Variants in INPP4B observed in about 807,000 individuals in gnomAD.
The protein encoded by INPP4B is inositol polyphosphate-4-phosphatase type II B, also known as inositol polyphosphate 4-phosphatase type II.
Under a neutral mutation model 122.5 loss-of-function variants are expected in INPP4B, and 55 were observed. The ratio of observed to expected loss-of-function variants is 0.45; its 90% CI spans 0.36 to 0.56. INPP4B has a LOEUF of 0.56. INPP4B is among the 20% of genes least tolerant of loss of function. The pLI, the probability that INPP4B is intolerant of heterozygous loss-of-function variation, is 0.00. For missense variants in INPP4B, 1,000 were observed against 1,097.7 expected (o/e 0.91, Z 1.26); for synonymous variants, 403 against 388.7 (o/e 1.04, Z -0.43).
chr4:142,395,632 A>C (rs1799126012), intron 7 of INPP4B, among the ~76,000 whole-genome samples: 1 of 152,200 alleles, frequency 6.6e-6, no homozygotes, highest in African/African-American at 2.4e-5. Context: ...CACTATTCAC[A>C]ATGGCCAAGA....
At chr4:142,738,375 C>T (rs146196367) in intron 1 of INPP4B, among the ~76,000 whole-genome samples, 11,545 of 152,020 alleles carry the variant, frequency 0.076, 572 homozygotes, top group South Asian at 0.16. Flanking sequence ...AACCAAACAC[C>T]GCATGTTGTC....
At chr4:142,767,658 T>C (rs962318047) in intron 1 of INPP4B, 12 of 152,164 alleles carry the variant, frequency 7.9e-5, no homozygotes, top group African/African-American at 2.9e-4. Flanking sequence ...CTTGGGAGAA[T>C]TCTCTGGAAG....
At chr4:142,438,639 T>A (rs572572484) in intron 3 of INPP4B, among the ~76,000 whole-genome samples, 1 of 152,236 alleles carries the variant, frequency 6.6e-6, no homozygotes, top group East Asian at 1.9e-4. Flanking sequence ...GACATAGGCA[T>A]GGGCAAAGAT....
In INPP4B at chr4:142,633,985, C is replaced by G. The variant is rs148266084; in HGVS notation, c.-191+91854G>C. On this transcript the variant is annotated intron_variant, in intron 2 of 25. Transcript: ENST00000262992. ...AGGCTCTGGTGAGCAGTGATCACAC[C>G]GCTGCACTCCAGCCTGACCAACAGA... Among the ~76,000 whole-genome samples, 771 of 151,454 alleles carry G rather than the reference C, an allele frequency of 5.1e-3. 6 individuals carry two copies. Among genetic ancestry groups the G allele is most frequent in the African/African-American group, 0.017 (697 of 41,268 alleles).
chr4:142,397,062 G>C (rs1303567904), intron 7 of INPP4B, among the ~76,000 whole-genome samples: 1 of 152,180 alleles, frequency 6.6e-6, no homozygotes, highest in Non-Finnish European at 1.5e-5. Context: ...GATTTGACCA[G>C]TTTGTTACAT....
chr4:142,401,676 A>G (rs2149140839), intron 7 of INPP4B, among the ~76,000 whole-genome samples: 1 of 152,314 alleles, frequency 6.6e-6, no homozygotes, highest in African/African-American at 2.4e-5. Context: ...AATTAATTTA[A>G]TCCTTACAAC....
At chr4:142,832,503 G>A (rs1343273671) in intron 1 of INPP4B, among the ~76,000 whole-genome samples, 2 of 152,140 alleles carry the variant, frequency 1.3e-5, no homozygotes, top group African/African-American at 4.8e-5. Flanking sequence ...TACATAAATT[G>A]CTTTTAGCCT....
intron 22 of INPP4B, among the ~76,000 whole-genome samples, chr4:142,108,778 G>C (rs1788510147): frequency 6.6e-6 from 1 of 152,064 alleles, no homozygotes; most frequent in South Asian, 2.1e-4. Flanking sequence ...GAGGTGTCAA[G>C]ACAAACCTGT....
chr4:142,785,898 A>G (rs1775698282), intron 1 of INPP4B, among the ~76,000 whole-genome samples: 1 of 152,118 alleles, frequency 6.6e-6, no homozygotes, highest in South Asian at 2.1e-4. Flanking sequence ...AACCAAAGAC[A>G]GAAATTACTG....
Position 142,326,806 on chromosome 4 carries a change from T to G in INPP4B, c.373-12044A>C, listed in dbSNP as rs1772557462. 2.0e-5 allele frequency among the ~76,000 whole-genome samples: 3 copies of G among 152,150 alleles called. No homozygotes were observed. The South Asian group carries it at 6.2e-4, about 31-fold the overall frequency. ...CCTTTGGGTTAATCATTTCAGGGCA[T>G]GTCTTTTTTTACTTGTATTATTTCA... is the stretch of plus-strand genomic sequence containing the variant. On this transcript the variant is annotated intron_variant, in intron 7 of 25. Transcript: ENST00000262992.
At chr4:142,321,756 A>C (rs980894966) in intron 7 of INPP4B, among the ~76,000 whole-genome samples, 2 of 151,384 alleles carry the variant, frequency 1.3e-5, no homozygotes, top group African/African-American at 4.9e-5. Context: ...TAAGTATTTG[A>C]CTTTATTTCT....
At position 142,377,954 on chromosome 4, in the gene INPP4B, C is replaced by T. The variant is rs559073782; in HGVS notation, c.372+24984G>A. On this transcript the variant is annotated intron_variant, in intron 7 of 25. Transcript: ENST00000262992. ...TAAGCAACCTTTTGGAGTCAGATACCGTCAAACTGCTAAATCTTATCTTGG... is the reference window on the plus strand; with the variant it reads ...TAAGCAACCTTTTGGAGTCAGATACTGTCAAACTGCTAAATCTTATCTTGG... Among the ~76,000 whole-genome samples the T allele has an allele frequency of 3.9e-5, 6 of 152,152 alleles. No homozygotes were observed. The South Asian group carries it at 6.2e-4, about 16-fold the overall frequency.
chr4:142,402,168 A>C (rs1801833316), intron 7 of INPP4B, among the ~76,000 whole-genome samples: 1 of 152,192 alleles, frequency 6.6e-6, no homozygotes, highest in Non-Finnish European at 1.5e-5. Context: ...TTACTGCCTC[A>C]TGCTACAATA....
chr4:142,378,607 T>C (rs149628215), intron 7 of INPP4B, among the ~76,000 whole-genome samples: 2 of 152,140 alleles, frequency 1.3e-5, no homozygotes, highest in Non-Finnish European at 2.9e-5. Flanking sequence ...CCTACATTAA[T>C]TGAAAAGATT....
intron 7 of INPP4B, among the ~76,000 whole-genome samples, chr4:142,324,927 T>G (rs73850849): frequency 0.03 from 4,546 of 152,238 alleles, 220 homozygotes; most frequent in African/African-American, 0.1. Flanking sequence ...TGAAAGCTTT[T>G]TTGATTTCTC....
chr4:142,762,595 G>A (rs1290337831), intron 1 of INPP4B, among the ~76,000 whole-genome samples: 2 of 152,146 alleles, frequency 1.3e-5, no homozygotes. Flanking sequence ...TCCCTGTCTT[G>A]TTAGTTTAGA....
At chr4:142,596,587 A>C (rs1255619965) in intron 2 of INPP4B, among the ~76,000 whole-genome samples, 1 of 152,234 alleles carries the variant, frequency 6.6e-6, no homozygotes, top group Non-Finnish European at 1.5e-5. Flanking sequence ...TCAATTTGTT[A>C]TATAATAAGC....
chr4:142,208,731 T>C (rs1310539747), intron 13 of INPP4B, among the ~76,000 whole-genome samples, 165 bp downstream of exon 13: 1 of 152,042 alleles, frequency 6.6e-6, no homozygotes, highest in African/African-American at 2.4e-5. Context: ...TAAGGTAAAA[T>C]AGGGTAGTTT....
intron 17 of INPP4B, among the ~76,000 whole-genome samples, chr4:142,153,361 T>A (rs945938405): frequency 2.0e-5 from 3 of 152,184 alleles, no homozygotes; most frequent in Non-Finnish European, 4.4e-5. Context: ...TCACTAAATT[T>A]TGGAGTTAAA....
Sources: allele counts gnomAD v4.1 joint callset (sites outside exome capture counted in the v4.1 genomes callset), GRCh38; gene constraint gnomAD v4.1.1; transcripts MANE v1.5; gene names NCBI Gene and HGNC (gene_info 2026-07-23, HGNC 2026-07-21).